The following PRMT9 variants were observed in gnomAD, a reference collection of about 807,000 sequenced individuals.
PRMT9 encodes the protein protein arginine methyltransferase 9.
Under a neutral mutation model 83.2 loss-of-function variants are expected in PRMT9, and 59 were observed. That is an observed-to-expected ratio of 0.71 (90% CI 0.57 to 0.88). PRMT9 has a LOEUF of 0.88. Among genes scored for constraint, PRMT9 ranks in the 40% least tolerant of loss-of-function variants. The probability of loss-of-function intolerance (pLI) is 0.00; values close to 1 mark genes in which losing one functional copy is unlikely to be tolerated. For synonymous variants in PRMT9, 333 were observed against 353.2 expected (o/e 0.94, Z 0.64); for missense variants, 947 against 1,021.9 (o/e 0.93, Z 1.00).
At chr4:147,653,734 G>T in intron 9 of PRMT9, 118 bp downstream of exon 9, 1 of 724,854 alleles carries the variant, frequency 1.4e-6, no homozygotes, top group Non-Finnish European at 2.3e-6. Context: ...AATGCTTGAG[G>T]AGCATACAGT....
At chr4:147,679,618 G>C (rs946110077) in intron 2 of PRMT9, among the ~76,000 whole-genome samples, 1 of 152,084 alleles carries the variant, frequency 6.6e-6, no homozygotes, top group Non-Finnish European at 1.5e-5. Flanking sequence ...TGGGGTGGCA[G>C]GCGCCTGTAA....
chr4:147,646,814 C>G (rs1163635072), intron 9 of PRMT9, among the ~76,000 whole-genome samples: 1 of 152,158 alleles, frequency 6.6e-6, no homozygotes, highest in African/African-American at 2.4e-5. Flanking sequence ...GCCCCCAGTT[C>G]TGATGCCAAT....
Position 147,654,216 on chromosome 4 carries a change from A to G in PRMT9, c.1681T>C (p.Cys561Arg). ...GTTCCAGAGCTCATCTCATTCTGAC[A>G]GTGAGTATCCATGGTCTGATACAGT... ...EKLYQTMDTHCQNEMSSGTGQ... is the reference protein window; with the variant it reads ...EKLYQTMDTHRQNEMSSGTGQ... Residue 561 changes from cysteine to arginine, a missense_variant, in exon 9 of 12, where the codon TGT becomes CGT. By Grantham distance (180) the Cys-to-Arg change is radical (BLOSUM62 -3). Coordinates refer to ENST00000322396, the MANE Select transcript of PRMT9 (RefSeq NM_138364.4). 1 of 1,614,170 alleles carries G rather than the reference A, an allele frequency of 6.2e-7. No homozygotes were observed. Among genetic ancestry groups the G allele is most frequent in the Non-Finnish European group, 8.5e-7 (1 of 1,179,982 alleles).
chr4:147,682,828 A>G (rs946955851), intron 1 of PRMT9, among the ~76,000 whole-genome samples: 3 of 152,174 alleles, frequency 2.0e-5, no homozygotes, highest in Admixed American at 6.5e-5. Context: ...TACATGAACT[A>G]CAAACATCTA....
At chr4:147,657,474 G>A (rs547312368) in intron 8 of PRMT9, among the ~76,000 whole-genome samples, 7 of 151,374 alleles carry the variant, frequency 4.6e-5, no homozygotes, top group Admixed American at 3.3e-4. Context: ...GCAGTGAGCC[G>A]AGATCAAGCC....
At position 147,654,500 on chromosome 4, in the gene PRMT9, A is replaced by T. The variant is rs771823588; in HGVS notation, c.1397T>A (p.Ile466Asn). The T allele has an allele frequency of 1.2e-6, 2 of 1,613,968 alleles. No individual in the cohort carries two copies. The highest frequency in any genetic ancestry group is 2.2e-5 in the East Asian group (1 of 44,882). The change falls in exon 9 of 12, where the codon ATC becomes AAC. Residue 466 changes from isoleucine to asparagine, a missense_variant. Coordinates refer to ENST00000322396, the MANE Select transcript of PRMT9 (RefSeq NM_138364.4). ...CAAACCCAAGACACTAATACTCTGG[A>T]TTCTTAAGTAACAGTCTTGACAAGA... Reference protein sequence around the residue: ...EVSCQDCYLRIQSISVLGLEC... With the variant: ...EVSCQDCYLRNQSISVLGLEC...
chr4:147,638,829 CA>C, intron 11 of PRMT9, 82 bp from the exon 12 acceptor site: 1 of 1,372,150 alleles, frequency 7.3e-7, no homozygotes, highest in Non-Finnish European at 1.0e-6. Context: ...CTTTTAAATA[CA>C]AAAATTTAAA....
chr4:147,672,347 T>C (rs1038010794), intron 4 of PRMT9, among the ~76,000 whole-genome samples: 3 of 152,228 alleles, frequency 2.0e-5, no homozygotes, highest in African/African-American at 7.2e-5. Context: ...ACAGGTAAAG[T>C]AAGTGCTACA....
intron 9 of PRMT9, among the ~76,000 whole-genome samples, chr4:147,651,267 A>C (rs751413721): frequency 6.6e-6 from 1 of 152,230 alleles, no homozygotes; most frequent in Non-Finnish European, 1.5e-5. Context: ...TAAGACCTTA[A>C]ACTATAGAAC....
intron 9 of PRMT9, among the ~76,000 whole-genome samples, chr4:147,644,988 A>C (rs1426775616): frequency 2.0e-5 from 3 of 152,236 alleles, no homozygotes; most frequent in African/African-American, 7.2e-5. Context: ...GATACTAGGC[A>C]GGTGAACTTT....
chr4:147,680,462 G>C lies in PRMT9; in HGVS notation c.199C>G (p.Gln67Glu). ...ELKHDVKETF[Q>E]YTLFRWAEEL... ...TCAGCCCATCTGAAAAGTGTGTACT[G>C]AAAAGTTTCCTTTACAAATAAGAAA... The change falls in exon 2 of 12, where the codon CAG becomes GAG. Residue 67 changes from glutamine to glutamate, a missense_variant. By Grantham distance (29) the Gln-to-Glu change is conservative. Transcript: ENST00000322396. 6.2e-7 allele frequency: 1 copy of C among 1,613,172 alleles called. No individual in the cohort carries two copies. Among genetic ancestry groups the C allele is most frequent in the Non-Finnish European group, 8.5e-7 (1 of 1,179,346 alleles).
chr4:147,683,641 G>A (rs1736648082), intron 1 of PRMT9, among the ~76,000 whole-genome samples, 158 bp downstream of exon 1: 1 of 149,528 alleles, frequency 6.7e-6, no homozygotes, highest in African/African-American at 2.5e-5. Flanking sequence ...TTACGAGGAC[G>A]TTGGATCGGC....
intron 4 of PRMT9, 113 bp downstream of exon 4, chr4:147,672,846 C>A: frequency 1.3e-6 from 1 of 757,650 alleles, no homozygotes. Flanking sequence ...ATATCCATAT[C>A]TTTACAAAAT....
chr4:147,666,854 C>T (rs1049593573), intron 6 of PRMT9, among the ~76,000 whole-genome samples: 9 of 151,070 alleles, frequency 6.0e-5, no homozygotes, highest in African/African-American at 1.7e-4. Flanking sequence ...AAGATATTGG[C>T]CTCATTCATC....
chr4:147,670,085 T>C (rs1463660787), intron 5 of PRMT9, among the ~76,000 whole-genome samples: 1 of 152,228 alleles, frequency 6.6e-6, no homozygotes, highest in Non-Finnish European at 1.5e-5. Flanking sequence ...TATGAATTCT[T>C]CCCTGGAGTA....
At chr4:147,672,137 C>A in intron 4 of PRMT9, 1 of 277,764 alleles carries the variant, frequency 3.6e-6, no homozygotes. Flanking sequence ...ATGGGTATGA[C>A]ATTTGCATTA....
intron 9 of PRMT9, among the ~76,000 whole-genome samples, chr4:147,650,840 T>C (rs2718452): frequency 0.85 from 129,697 of 152,124 alleles, 57,153 homozygotes; most frequent in Non-Finnish European, 0.96. Context: ...CGGTGGCTCA[T>C]GCCTGTAATC....
chr4:147,645,408 T>C (rs1426300950), intron 9 of PRMT9, among the ~76,000 whole-genome samples: 2 of 152,146 alleles, frequency 1.3e-5, no homozygotes, highest in African/African-American at 4.8e-5. Context: ...AGAAAAGCAA[T>C]GAAGAATATT....
At chr4:147,644,257 GTATTAC>G (rs1333247105) in intron 9 of PRMT9, among the ~76,000 whole-genome samples, 2 of 151,408 alleles carry the variant, frequency 1.3e-5, no homozygotes, top group East Asian at 1.9e-4. Context: ...TAGTAATAGT[GTATTAC>G]TATTACTGAG....
Sources: gnomAD v4.1 joint callset for allele counts (sites outside exome capture counted in the v4.1 genomes callset) on GRCh38, gnomAD v4.1.1 for gene constraint, MANE v1.5 for transcripts, NCBI Gene and HGNC (gene_info 2026-07-23, HGNC 2026-07-21) for gene names.